Variants in IFNG-AS1 observed in about 807,000 individuals in gnomAD.
IFNG-AS1 encodes IFNG regulatory antisense RNA 1.
intron 1 of IFNG-AS1, among the ~76,000 whole-genome samples, chr12:67,992,050 C>G (rs1283627214): frequency 6.6e-6 from 1 of 152,102 alleles, no homozygotes. Context: ...CTTCCTCTCT[C>G]TCTCTTTCTC....
intron 3 of IFNG-AS1, among the ~76,000 whole-genome samples, chr12:68,008,967 G>A (rs1200178747): frequency 2.6e-5 from 4 of 152,160 alleles, no homozygotes; most frequent in African/African-American, 9.7e-5. Context: ...TACAACTGGT[G>A]CATGATTGAA....
chr12:68,013,995 G>T (rs1399428993), intron 3 of IFNG-AS1, among the ~76,000 whole-genome samples: 8 of 152,130 alleles, frequency 5.3e-5, no homozygotes, highest in African/African-American at 1.9e-4. Context: ...TTATGCCTTT[G>T]CACCCTCATA....
chr12:68,000,244 A>AT (rs1879737243), intron 2 of IFNG-AS1, among the ~76,000 whole-genome samples: 2 of 152,334 alleles, frequency 1.3e-5, no homozygotes, highest in South Asian at 4.1e-4. Flanking sequence ...ATTTCAAAAT[A>AT]AAAAGGTAAT....
intron 2 of IFNG-AS1, among the ~76,000 whole-genome samples, chr12:68,004,583 C>T (rs1290680894): frequency 1.3e-5 from 2 of 152,214 alleles, no homozygotes; most frequent in Non-Finnish European, 2.9e-5. Flanking sequence ...TTTTCTGGCA[C>T]ACCCTCTGGT....
At chr12:67,995,784 GT>G (rs1879628380) in intron 1 of IFNG-AS1, among the ~76,000 whole-genome samples, 1 of 151,346 alleles carries the variant, frequency 6.6e-6, no homozygotes, top group African/African-American at 2.4e-5. Context: ...AAAACTTTCA[GT>G]TTGCCTTTTA....
intron 2 of IFNG-AS1, among the ~76,000 whole-genome samples, chr12:68,003,798 C>T (rs2906861): frequency 0.95 from 143,678 of 151,724 alleles, 68,450 homozygotes; most frequent in Non-Finnish European, 1. Flanking sequence ...TCCTAGCTAC[C>T]CGGGAGGCTG....
chr12:68,011,078 T>C (rs536122300), intron 3 of IFNG-AS1, among the ~76,000 whole-genome samples: 1 of 152,332 alleles, frequency 6.6e-6, no homozygotes, highest in East Asian at 1.9e-4. Context: ...GGCACAGTCC[T>C]CAGAGCTTTG....
intron 3 of IFNG-AS1, among the ~76,000 whole-genome samples, chr12:68,008,728 G>A (rs562721251): frequency 6.6e-6 from 1 of 152,264 alleles, no homozygotes; most frequent in Admixed American, 6.5e-5. Context: ...CCAAGTAGAA[G>A]GGGAAACAGC....
chr12:68,003,705 G>A (rs932600566), intron 2 of IFNG-AS1, among the ~76,000 whole-genome samples: 9 of 152,122 alleles, frequency 5.9e-5, no homozygotes, highest in African/African-American at 2.2e-4. Context: ...ACGAGGTCAG[G>A]AGATCGAGAC....
chr12:68,006,091 G>A (rs10878724), exon 3 of IFNG-AS1: 38,115 of 152,022 alleles, frequency 0.25, 5,247 homozygotes, highest in East Asian at 0.53. Context: ...ACTTTTTAGC[G>A]TAAAACGCTG....
At chr12:68,007,509 C>A (rs993771876) in intron 3 of IFNG-AS1, among the ~76,000 whole-genome samples, 8 of 152,096 alleles carry the variant, frequency 5.3e-5, no homozygotes, top group African/African-American at 1.7e-4. Context: ...TGAAATGATG[C>A]AAGAAATACA....
At position 67,992,114 on chromosome 12, in the gene IFNG-AS1, C is replaced by A. The variant is rs148111827; in HGVS notation, n.51+2535C>A. 1.8e-3 allele frequency among the ~76,000 whole-genome samples: 274 copies of A among 152,226 alleles called. 2 individuals carry two copies. The highest frequency in any genetic ancestry group is 6.4e-3 in the African/African-American group (267 of 41,538). On this transcript the variant is annotated intron_variant and non_coding_transcript_variant, in intron 1 of 5. Coordinates refer to ENST00000536914, the Ensembl canonical transcript of IFNG-AS1. ...AACACATTTTGAATTTGATGTTTAT[C>A]TTCCCGTGATGTTTCTGTATTTATG...
chr12:68,002,928 G>A (rs1195113281), intron 2 of IFNG-AS1, among the ~76,000 whole-genome samples: 1 of 152,142 alleles, frequency 6.6e-6, no homozygotes, highest in African/African-American at 2.4e-5. Flanking sequence ...GTAAACTGGA[G>A]AACTGAGATA....
At chr12:68,015,851 G>T (rs565199024) in intron 3 of IFNG-AS1, among the ~76,000 whole-genome samples, 98 of 152,218 alleles carry the variant, frequency 6.4e-4, no homozygotes, top group African/African-American at 2.4e-3. Context: ...GTATAGCGTG[G>T]AGGTTAAGAG....
chr12:67,999,239 CAT>C (rs1340828116), intron 2 of IFNG-AS1, among the ~76,000 whole-genome samples: 12 of 152,254 alleles, frequency 7.9e-5, no homozygotes, highest in South Asian at 2.1e-4. Context: ...TGTATGTACA[CAT>C]GTTTATTATA....
At chr12:68,014,691 C>T (rs971217229) in intron 3 of IFNG-AS1, among the ~76,000 whole-genome samples, 9 of 152,088 alleles carry the variant, frequency 5.9e-5, no homozygotes, top group African/African-American at 2.2e-4. Context: ...GCGTCTCTTT[C>T]CTGAGTCTTC....
intron 1 of IFNG-AS1, among the ~76,000 whole-genome samples, chr12:67,993,079 CA>C (rs1369878633): frequency 2.0e-5 from 3 of 152,206 alleles, no homozygotes; most frequent in Non-Finnish European, 4.4e-5. Flanking sequence ...ATTTCAGACA[CA>C]AACAGGTCCC....
chr12:68,001,695 C>T (rs898158021), intron 2 of IFNG-AS1: 1 of 152,208 alleles, frequency 6.6e-6, no homozygotes, highest in Non-Finnish European at 1.5e-5. Context: ...GGGCATAAGA[C>T]ATTAAGAAGT....
chr12:68,009,117 G>T (rs557242890), intron 3 of IFNG-AS1, among the ~76,000 whole-genome samples: 1 of 152,154 alleles, frequency 6.6e-6, no homozygotes. Context: ...TTTAAGTAAA[G>T]ATTAAAAACA....
Sources: allele counts gnomAD v4.1 joint callset (sites outside exome capture counted in the v4.1 genomes callset), GRCh38; gene constraint gnomAD v4.1.1; transcripts MANE v1.5; gene names NCBI Gene and HGNC (gene_info 2026-07-23, HGNC 2026-07-21).